The following DLG1 variants were observed in gnomAD, a reference collection of about 807,000 sequenced individuals.
DLG1 encodes disks large homolog 1.
DLG1 carries 42 observed loss-of-function variants against 123.4 expected under a neutral mutation model. The ratio of observed to expected loss-of-function variants is 0.34; its 90% CI spans 0.27 to 0.44. The LOEUF (loss-of-function observed/expected upper bound fraction) is 0.44. DLG1 is among the 20% of genes least tolerant of loss of function. The probability of loss-of-function intolerance (pLI) is 1.00; values close to 1 mark genes in which losing one functional copy is unlikely to be tolerated. For synonymous variants in DLG1, 317 were observed against 356.2 expected (o/e 0.89, Z 1.24); for missense variants, 942 against 1,082.6 (o/e 0.87, Z 1.82).
At chr3:197,067,533 T>C (rs866122281) in intron 19 of DLG1, among the ~76,000 whole-genome samples, 47 of 148,098 alleles carry the variant, frequency 3.2e-4, no homozygotes, top group Admixed American at 1.2e-3. Context: ...AAGAAATAAA[T>C]AGTTAAAAAC....
chr3:197,298,295 G>T, intron 1 of DLG1: 1 of 386,498 alleles, frequency 2.6e-6, no homozygotes, highest in Non-Finnish European at 4.6e-6. Context: ...GGGTACCCGG[G>T]GAGCATCCTA....
At chr3:197,124,941 AAG>A (rs1300805469) in intron 11 of DLG1, among the ~76,000 whole-genome samples, 1 of 152,166 alleles carries the variant, frequency 6.6e-6, no homozygotes. Flanking sequence ...TTGATTATGC[AAG>A]AGAGAGAAGG....
At chr3:197,267,924 A>G (rs973370783) in intron 4 of DLG1, among the ~76,000 whole-genome samples, 2 of 152,212 alleles carry the variant, frequency 1.3e-5, no homozygotes, top group African/African-American at 2.4e-5. Flanking sequence ...CCCAAGACAG[A>G]GAAAGAGGTT....
Position 197,066,764 on chromosome 3 carries a change from AG to A in DLG1, c.2048-11del. ...TATTCTTCTTGACCACCTATTAGAA[AG>A]TGAAGGCACAGATGAAAAATGTGTA... On this transcript the variant is annotated splice_polypyrimidine_tract_variant and intron_variant, in intron 19 of 24. Transcript: ENST00000667157. 1 of 1,582,198 alleles carries A rather than the reference AG, an allele frequency of 6.3e-7. No individual in the cohort carries two copies. Among genetic ancestry groups the A allele is most frequent in the South Asian group, 1.1e-5 (1 of 88,496 alleles).
chr3:197,207,746 TCAAC>T (rs1278630075), intron 4 of DLG1, among the ~76,000 whole-genome samples: 2 of 115,962 alleles, frequency 1.7e-5, no homozygotes. Context: ...GTTTATATCT[TCAAC>T]CAATATCATT....
intron 23 of DLG1, among the ~76,000 whole-genome samples, chr3:197,053,533 A>G (rs1299373439): frequency 6.6e-6 from 1 of 151,932 alleles, no homozygotes; most frequent in East Asian, 1.9e-4. Flanking sequence ...GCACTTTGGG[A>G]GGCCGAGGCA....
At chr3:197,145,654 G>T (rs1790362309) in intron 6 of DLG1, among the ~76,000 whole-genome samples, 4 of 152,114 alleles carry the variant, frequency 2.6e-5, no homozygotes, top group Admixed American at 1.3e-4. Context: ...TCTGCCTTAA[G>T]GAATCTGAGA....
intron 24 of DLG1, among the ~76,000 whole-genome samples, chr3:197,045,705 T>C (rs921123096): frequency 5.9e-5 from 9 of 152,284 alleles, no homozygotes; most frequent in South Asian, 2.1e-4. Context: ...GATCGTACCA[T>C]TGGATTGTAC....
chr3:197,265,535 A>G (rs1428051942), intron 4 of DLG1, among the ~76,000 whole-genome samples: 1 of 152,210 alleles, frequency 6.6e-6, no homozygotes, highest in Non-Finnish European at 1.5e-5. Flanking sequence ...AGAGAGCGGG[A>G]CAGAAAAAGC....
chr3:197,277,380 G>C (rs1302457006), intron 4 of DLG1, among the ~76,000 whole-genome samples: 1 of 150,830 alleles, frequency 6.6e-6, no homozygotes, highest in Non-Finnish European at 1.5e-5. Context: ...ACCCAGGCTG[G>C]AGTGCAGTGG....
At chr3:197,048,553 G>A (rs1007699547) in intron 24 of DLG1, among the ~76,000 whole-genome samples, 1 of 152,172 alleles carries the variant, frequency 6.6e-6, no homozygotes, top group Non-Finnish European at 1.5e-5. Context: ...ATAACAAGTA[G>A]GCAATGGTAT....
At chr3:197,095,074 T>C (rs762608167) in intron 14 of DLG1, among the ~76,000 whole-genome samples, 22 of 152,206 alleles carry the variant, frequency 1.4e-4, no homozygotes, top group Non-Finnish European at 3.2e-4. Context: ...ATTCTTTACC[T>C]ACCTTCTATA....
At chr3:197,243,977 G>C (rs1178104719) in intron 4 of DLG1, among the ~76,000 whole-genome samples, 2 of 152,190 alleles carry the variant, frequency 1.3e-5, no homozygotes, top group African/African-American at 2.4e-5. Flanking sequence ...AATTGGATCA[G>C]AGTGCAAGTG....
At chr3:197,250,251 T>C (rs781264317) in intron 4 of DLG1, among the ~76,000 whole-genome samples, 8 of 152,138 alleles carry the variant, frequency 5.3e-5, no homozygotes, top group Non-Finnish European at 1.0e-4. Flanking sequence ...GCATTATATA[T>C]ACCAACAGTG....
chr3:197,181,273 T>C (rs1346732951), intron 5 of DLG1, among the ~76,000 whole-genome samples: 1 of 152,218 alleles, frequency 6.6e-6, no homozygotes, highest in Non-Finnish European at 1.5e-5. Context: ...CTGCAAAAAG[T>C]ATCATGTGGC....
intron 14 of DLG1, among the ~76,000 whole-genome samples, chr3:197,092,067 T>C (rs1341342883): frequency 1.3e-5 from 2 of 152,160 alleles, no homozygotes; most frequent in Non-Finnish European, 2.9e-5. Context: ...ACAAAACACT[T>C]AAAATAAAAA....
chr3:197,095,842 T>C (rs1312799384), intron 14 of DLG1, among the ~76,000 whole-genome samples: 1 of 152,208 alleles, frequency 6.6e-6, no homozygotes, highest in Non-Finnish European at 1.5e-5. Context: ...AATGCTGAGA[T>C]TGCTCCTGAT....
chr3:197,256,040 A>G (rs1215107739), intron 4 of DLG1, among the ~76,000 whole-genome samples: 2 of 152,252 alleles, frequency 1.3e-5, no homozygotes, highest in African/African-American at 4.8e-5. Flanking sequence ...ATGTTAAGAT[A>G]CTACTGAACA....
chr3:197,178,570 T>C (rs773570222), intron 5 of DLG1, among the ~76,000 whole-genome samples: 4 of 152,122 alleles, frequency 2.6e-5, no homozygotes, highest in Non-Finnish European at 5.9e-5. Flanking sequence ...TTTAAGGGCA[T>C]AGGACTAGAT....
Sources: gnomAD v4.1 joint callset for allele counts (sites outside exome capture counted in the v4.1 genomes callset) on GRCh38, gnomAD v4.1.1 for gene constraint, MANE v1.5 for transcripts, NCBI Gene and HGNC (gene_info 2026-07-23, HGNC 2026-07-21) for gene names.